Variants in KIAA0513 observed in about 807,000 individuals in gnomAD.
The protein encoded by KIAA0513 is KIAA0513, also known as uncharacterized protein KIAA0513.
KIAA0513 carries 39 observed loss-of-function variants against 56.5 expected under a neutral mutation model. The ratio of observed to expected loss-of-function variants is 0.69; its 90% CI spans 0.53 to 0.90. The LOEUF (loss-of-function observed/expected upper bound fraction) is 0.90. Ranked by LOEUF, KIAA0513 falls within the 40% of genes least tolerant of loss-of-function variation. The pLI, the probability that KIAA0513 is intolerant of heterozygous loss-of-function variation, is 0.00. For synonymous variants in KIAA0513, 268 were observed against 215.6 expected, an observed-to-expected ratio of 1.24 and a Z score of -2.13; for missense variants, 591 against 535.2, an observed-to-expected ratio of 1.10 and a Z score of -1.03.
At chr16:85,038,172 C>T (rs1020815995) in intron 1 of KIAA0513, among the ~76,000 whole-genome samples, 2 of 152,126 alleles carry the variant, frequency 1.3e-5, no homozygotes, top group African/African-American at 4.8e-5. Flanking sequence ...ACTATGTCGC[C>T]GTAGATAGAA....
intron 1 of KIAA0513, among the ~76,000 whole-genome samples, chr16:85,057,454 T>C (rs2073345588): frequency 2.0e-5 from 3 of 152,218 alleles, no homozygotes; most frequent in Admixed American, 2.0e-4. Flanking sequence ...CCTTGCAGAC[T>C]ATGGCAGGTG....
chr16:85,043,228 C>T (rs1434623976), intron 1 of KIAA0513, among the ~76,000 whole-genome samples: 2 of 151,966 alleles, frequency 1.3e-5, no homozygotes, highest in African/African-American at 4.8e-5. Flanking sequence ...ATTTACTACC[C>T]CCAGCTACAA....
At chr16:85,075,355 G>A (rs537325143) in intron 4 of KIAA0513, among the ~76,000 whole-genome samples, 24 of 152,310 alleles carry the variant, frequency 1.6e-4, no homozygotes, top group African/African-American at 4.1e-4. Context: ...GGAATGGCCC[G>A]ACCCAAGACC....
intron 1 of KIAA0513, among the ~76,000 whole-genome samples, chr16:85,037,446 C>T (rs948218231): frequency 6.6e-6 from 1 of 152,140 alleles, no homozygotes; most frequent in Non-Finnish European, 1.5e-5. Context: ...AAGAGAACCA[C>T]ATTCTGAGTG....
intron 1 of KIAA0513, among the ~76,000 whole-genome samples, chr16:85,030,100 C>G (rs889590636): frequency 6.6e-6 from 1 of 152,194 alleles, no homozygotes; most frequent in African/African-American, 2.4e-5. Context: ...CCACCACCTC[C>G]CCGGCTTACC....
At chr16:85,062,901 A>T (rs2073425689) in intron 1 of KIAA0513, among the ~76,000 whole-genome samples, 1 of 152,000 alleles carries the variant, frequency 6.6e-6, no homozygotes. Context: ...GCCCACAATG[A>T]CCTTTCCTTC....
In KIAA0513 at chr16:85,038,725, AATAAT is replaced by A. The variant is rs1292997545; in HGVS notation, c.-173+10869_-173+10873del. On this transcript the variant is annotated intron_variant, in intron 1 of 12. Coordinates refer to ENST00000683363, the MANE Select transcript of KIAA0513 (RefSeq NM_001388359.1). Reference sequence around the variant, plus strand: ...TCAGCCTCAAAAAAAAAAAAAAAATAATAATAATAATATCTTTGTTGATAGATTCT... The same window carrying A: ...TCAGCCTCAAAAAAAAAAAAAAAATAAATAATATCTTTGTTGATAGATTCT... 2.3e-3 allele frequency among the ~76,000 whole-genome samples: 209 copies of A among 91,420 alleles called. 7 individuals carry two copies. Among genetic ancestry groups the A allele is most frequent in the African/African-American group, 0.012 (191 of 15,742 alleles). 60.0% of individuals were successfully genotyped at this position (91,420 alleles called of 152,430 possible). A position where few individuals can be genotyped will look rare whatever the true frequency, so the allele number is the denominator to read the frequency against.
chr16:85,049,629 G>A (rs1286922219), intron 1 of KIAA0513, among the ~76,000 whole-genome samples: 2 of 152,164 alleles, frequency 1.3e-5, no homozygotes, highest in East Asian at 1.9e-4. Context: ...CTCCTGCCAC[G>A]TAGGACGTGG....
intron 1 of KIAA0513, among the ~76,000 whole-genome samples, chr16:85,051,635 A>AG (rs2073253531): frequency 6.6e-6 from 1 of 151,690 alleles, no homozygotes; most frequent in Non-Finnish European, 1.5e-5. Flanking sequence ...TCACACAGCG[A>AG]CTCTTACACA....
chr16:85,057,419 C>A (rs58797197), intron 1 of KIAA0513, among the ~76,000 whole-genome samples: 2 of 152,152 alleles, frequency 1.3e-5, no homozygotes, highest in African/African-American at 4.8e-5. Context: ...TGATTGGGCC[C>A]CCAGTGGCTG....
Position 85,081,340 on chromosome 16 carries a change from G to C in KIAA0513, c.928G>C (p.Ala310Pro), listed in dbSNP as rs1367778569. Reference sequence around the variant, plus strand: ...GCACACTCTGAGGTTCTGGAATGCAGCCTTTTTTGACGCTGTCCATTGTGA... The same window carrying C: ...GCACACTCTGAGGTTCTGGAATGCACCCTTTTTTGACGCTGTCCATTGTGA... ...IWHTLRFWNA[A>P]FFDAVHCERT... Residue 310 changes from alanine to proline, a missense_variant, in exon 9 of 13, where the codon GCC (alanine) becomes CCC (proline). Coordinates refer to ENST00000683363, the MANE Select transcript of KIAA0513 (RefSeq NM_001388359.1). The surrounding 1 kb of genome is among the most constrained non-coding windows in gnomAD (Gnocchi z 4.4). The C allele has an allele frequency of 6.2e-7, 1 of 1,607,064 alleles. No individual in the cohort carries two copies. Among genetic ancestry groups the C allele is most frequent in the Non-Finnish European group, 8.5e-7 (1 of 1,176,754 alleles).
Position 85,067,283 on chromosome 16 carries a change from G to T in KIAA0513, c.212G>T (p.Arg71Leu). ...CACCCGTCCTGGGACCAAGACCGCC[G>T]TTCCTCCTCCAACGAGTCCTTCTCC... ...PSHPSWDQDR[R>L]SSSNESFSSN... The change falls in exon 2 of 13, where the codon CGT (arginine) becomes CTT (leucine). Residue 71 changes from arginine to leucine, a missense_variant. Physicochemically the swap from Arg to Leu is moderately radical, Grantham distance 102. Coordinates refer to ENST00000683363, the MANE Select transcript of KIAA0513 (RefSeq NM_001388359.1). The T allele has an allele frequency of 1.9e-6, 3 of 1,613,900 alleles. No homozygotes were observed. Among genetic ancestry groups the T allele is most frequent in the Non-Finnish European group, 2.5e-6 (3 of 1,180,030 alleles).
intron 1 of KIAA0513, among the ~76,000 whole-genome samples, chr16:85,040,417 C>G (rs530719101): frequency 6.6e-6 from 1 of 152,284 alleles, no homozygotes; most frequent in African/African-American, 2.4e-5. Context: ...GTAATCCCAA[C>G]TACTCGGGAG....
chr16:85,041,263 G>A (rs1002701766), intron 1 of KIAA0513, among the ~76,000 whole-genome samples: 1 of 152,126 alleles, frequency 6.6e-6, no homozygotes, highest in African/African-American at 2.4e-5. Context: ...ACCACCTCAC[G>A]CCTGTCACTT....
intron 4 of KIAA0513, among the ~76,000 whole-genome samples, chr16:85,074,513 AT>A (rs1476276612): frequency 6.6e-6 from 1 of 152,138 alleles, no homozygotes; most frequent in East Asian, 1.9e-4. Flanking sequence ...CTCCTGCTTC[AT>A]GTCTCTCCAC....
At chr16:85,071,711 C>A in intron 2 of KIAA0513, 72 bp from the exon 3 acceptor site, 1 of 1,234,418 alleles carries the variant, frequency 8.1e-7, no homozygotes, top group Non-Finnish European at 1.1e-6. Context: ...TCTCCTTGCT[C>A]TTCCCCTGTT....
At chr16:85,074,143 T>C (rs893696119) in intron 4 of KIAA0513, among the ~76,000 whole-genome samples, 14 of 151,802 alleles carry the variant, frequency 9.2e-5, no homozygotes, top group Non-Finnish European at 1.8e-4. Flanking sequence ...CCCAGCTAAT[T>C]TTTGTATTTT....
At chr16:85,058,789 C>T (rs765852256) in intron 1 of KIAA0513, among the ~76,000 whole-genome samples, 1 of 152,226 alleles carries the variant, frequency 6.6e-6, no homozygotes, top group East Asian at 1.9e-4. Context: ...TCATTGCATA[C>T]GAAGACCCTC....
At position 85,077,445 on chromosome 16, in the gene KIAA0513, C is replaced by G; in HGVS notation, c.595C>G (p.Pro199Ala). ...YHIGKPQLLP[P>A]ESREKPAGSI... ...CCAAGGAAAACCACAGCTGCTGCCCCCGGAGTCCCGGGAGAAGCCCGCGGG... is the reference window on the plus strand; with the variant it reads ...CCAAGGAAAACCACAGCTGCTGCCCGCGGAGTCCCGGGAGAAGCCCGCGGG... Residue 199 changes from proline (P) to alanine (A), a missense_variant, in exon 6 of 13, where the codon CCG (proline) becomes GCG (alanine). Transcript: ENST00000683363. 1 of 1,614,158 alleles carries G rather than the reference C, an allele frequency of 6.2e-7. No individual in the cohort carries two copies. Among genetic ancestry groups the G allele is most frequent in the African/African-American group, 1.3e-5 (1 of 75,076 alleles).
Sources: allele counts gnomAD v4.1 joint callset (sites outside exome capture counted in the v4.1 genomes callset), GRCh38; gene constraint gnomAD v4.1.1; non-coding constraint Gnocchi (gnomAD v3.1); transcripts MANE v1.5; gene names NCBI Gene and HGNC (gene_info 2026-07-23, HGNC 2026-07-21).